KHDRBS2: variants seen among roughly 807,000 people sequenced by gnomAD.
KHDRBS2 encodes KH domain-containing, RNA-binding, signal transduction-associated protein 2.
In KHDRBS2, 26 loss-of-function variants were observed where a neutral mutation model predicts 44.3. The observed-to-expected ratio is 0.59, with a 90% CI of 0.43 to 0.81. The LOEUF is 0.81. Among genes scored for constraint, KHDRBS2 ranks in the 40% least tolerant of loss-of-function variants. The probability of loss-of-function intolerance (pLI) is 0.00; values close to 1 mark genes in which losing one functional copy is unlikely to be tolerated. For missense variants in KHDRBS2, 476 were observed against 433.1 expected (o/e 1.10, Z -0.88); for synonymous variants, 194 against 151.1 (o/e 1.28, Z -2.08).
At chr6:62,160,171 G>C (rs73760313) in intron 2 of KHDRBS2, among the ~76,000 whole-genome samples, 292 of 152,170 alleles carry the variant, frequency 1.9e-3, no homozygotes, top group African/African-American at 6.6e-3. Flanking sequence ...AAGACATTTT[G>C]CAACTTTACA....
chr6:62,086,093 G>C (rs1013858217), intron 2 of KHDRBS2, among the ~76,000 whole-genome samples: 15 of 152,112 alleles, frequency 9.9e-5, no homozygotes, highest in African/African-American at 3.6e-4. Flanking sequence ...GTTTGAAAGA[G>C]TTTGGAAATT....
At chr6:62,084,331 T>C (rs958103976) in intron 2 of KHDRBS2, among the ~76,000 whole-genome samples, 4 of 152,216 alleles carry the variant, frequency 2.6e-5, no homozygotes, top group Non-Finnish European at 5.9e-5. Flanking sequence ...TTTTTAAAGA[T>C]TTAACATTAT....
At chr6:62,083,286 T>G (rs923537288) in intron 2 of KHDRBS2, among the ~76,000 whole-genome samples, 1 of 152,060 alleles carries the variant, frequency 6.6e-6, no homozygotes, top group African/African-American at 2.4e-5. Flanking sequence ...AGAGAAGAGT[T>G]CAGCCAGGGA....
chr6:61,820,891 T>C (rs554194670), intron 6 of KHDRBS2, among the ~76,000 whole-genome samples: 63 of 152,130 alleles, frequency 4.1e-4, no homozygotes, highest in South Asian at 2.1e-3. Flanking sequence ...AGAGAATCAA[T>C]GTGCTACCTG....
chr6:62,011,000 T>C (rs186928760), intron 3 of KHDRBS2, among the ~76,000 whole-genome samples: 1 of 152,274 alleles, frequency 6.6e-6, no homozygotes, highest in African/African-American at 2.4e-5. Context: ...TGTTTTGTTT[T>C]GTTTTTTATT....
chr6:61,807,846 A>G (rs1787416452), intron 6 of KHDRBS2, among the ~76,000 whole-genome samples: 1 of 152,130 alleles, frequency 6.6e-6, no homozygotes, highest in Admixed American at 6.6e-5. Context: ...TAATAATAAT[A>G]AAGAAATCAT....
chr6:62,192,378 A>G (rs1307653801), intron 1 of KHDRBS2, among the ~76,000 whole-genome samples: 4 of 152,120 alleles, frequency 2.6e-5, no homozygotes, highest in Non-Finnish European at 4.4e-5. Flanking sequence ...ATCTTAATGA[A>G]AAGAAAACAA....
At chr6:61,666,997 T>G in the KHDRBS2 span, among the ~76,000 whole-genome samples, 2 of 150,424 alleles carry the variant, frequency 1.3e-5, no homozygotes, top group African/African-American at 4.9e-5. Flanking sequence ...CTGGGTTTTT[T>G]TTTTTTTTTT....
chr6:62,064,113 G>A (rs1221867957), intron 2 of KHDRBS2, among the ~76,000 whole-genome samples: 1 of 63,560 alleles, frequency 1.6e-5, no homozygotes, highest in Non-Finnish European at 4.3e-5. Context: ...ACAAACCACT[G>A]TTCAAGGAAA....
intron 4 of KHDRBS2, among the ~76,000 whole-genome samples, chr6:61,908,370 C>T (rs1404531250): frequency 2.6e-5 from 4 of 151,848 alleles, no homozygotes; most frequent in East Asian, 3.9e-4. Context: ...CGTGGTGGCT[C>T]ATACTTGTAA....
chr6:61,619,103 A>T, the KHDRBS2 span, among the ~76,000 whole-genome samples: 4 of 152,068 alleles, frequency 2.6e-5, no homozygotes, highest in African/African-American at 9.7e-5. Context: ...AATTGAATAT[A>T]AAAAAAGTTT....
chr6:62,029,559 C>G (rs182780842), intron 3 of KHDRBS2, among the ~76,000 whole-genome samples: 1 of 151,850 alleles, frequency 6.6e-6, no homozygotes, highest in Non-Finnish European at 1.5e-5. Context: ...GTGCAATAGG[C>G]CACGGAGACA....
chr6:61,745,851 A>T (rs961046170), intron 6 of KHDRBS2, among the ~76,000 whole-genome samples: 1 of 151,982 alleles, frequency 6.6e-6, no homozygotes, highest in Non-Finnish European at 1.5e-5. Context: ...AAAATATTTT[A>T]TTTTATTTTA....
chr6:62,112,609 G>C (rs1805272364), intron 2 of KHDRBS2, among the ~76,000 whole-genome samples: 1 of 152,116 alleles, frequency 6.6e-6, no homozygotes, highest in Admixed American at 6.6e-5. Context: ...CATAATATGA[G>C]AATCCTTTTC....
chr6:62,005,690 A>G (rs1344091147), intron 3 of KHDRBS2, among the ~76,000 whole-genome samples: 1 of 151,802 alleles, frequency 6.6e-6, no homozygotes, highest in Non-Finnish European at 1.5e-5. Context: ...GGAACTTGAA[A>G]TTGTGAATAA....
intron 6 of KHDRBS2, among the ~76,000 whole-genome samples, chr6:61,754,385 C>T (rs950667643): frequency 3.0e-4 from 46 of 152,052 alleles, no homozygotes; most frequent in African/African-American, 9.7e-4. Flanking sequence ...GTAGACTTAA[C>T]GCTCAATAAG....
the KHDRBS2 span, among the ~76,000 whole-genome samples, chr6:61,665,692 G>GA: frequency 6.7e-5 from 10 of 148,808 alleles, no homozygotes; most frequent in Admixed American, 2.7e-4. Context: ...TCTTTTGAAG[G>GA]AAAAAAAAAT....
At chr6:62,072,597 G>C (rs545300087) in intron 2 of KHDRBS2, among the ~76,000 whole-genome samples, 1 of 151,928 alleles carries the variant, frequency 6.6e-6, no homozygotes, top group Non-Finnish European at 1.5e-5. Flanking sequence ...TATTGAGATA[G>C]TCATGTGGTT....
At chr6:62,183,232 A>G (rs1448666999) in intron 1 of KHDRBS2, among the ~76,000 whole-genome samples, 8 of 151,794 alleles carry the variant, frequency 5.3e-5, no homozygotes, top group African/African-American at 1.4e-4. Context: ...TATATATGAC[A>G]TAATTACACA....
Sources: allele counts gnomAD v4.1 joint callset (sites outside exome capture counted in the v4.1 genomes callset), GRCh38; gene constraint gnomAD v4.1.1; transcripts MANE v1.5; gene names NCBI Gene and HGNC (gene_info 2026-07-23, HGNC 2026-07-21).